ABCA5: variants seen among roughly 807,000 people sequenced by gnomAD.
ABCA5 encodes cholesterol transporter ABCA5.
ABCA5 carries 163 observed loss-of-function variants against 206.0 expected under a neutral mutation model. The ratio of observed to expected loss-of-function variants is 0.79; its 90% CI spans 0.70 to 0.90. The LOEUF (loss-of-function observed/expected upper bound fraction) is 0.90, where lower values mean the gene tolerates loss of function less well. ABCA5 is among the 40% of genes least tolerant of loss of function. The pLI is 0.00. For missense variants in ABCA5, 1,859 were observed against 1,912.9 expected (o/e 0.97, Z 0.53); for synonymous variants, 609 against 613.8 (o/e 0.99, Z 0.11).
Position 69,261,689 on chromosome 17 carries a change from G to GA in ABCA5, c.3374dup (p.Thr1126HisfsTer3), listed in dbSNP as rs1567754292. ...TGGTATTTAAAATTTTCTTAAAGGT[G>GA]AAAGAAGCAATATAAGTGAACAGAA... On this transcript the variant is annotated frameshift_variant, in exon 25 of 39. Coordinates refer to ENST00000392676, the MANE Select transcript of ABCA5 (RefSeq NM_172232.4). LOFTEE classifies it high-confidence loss of function. 6.6e-7 allele frequency: 1 copy of GA among 1,520,980 alleles called. No individual in the cohort carries two copies. Among genetic ancestry groups the GA allele is most frequent in the South Asian group, 1.3e-5 (1 of 79,324 alleles). The allele number at this position is 1,520,980 out of a possible 1,614,324, so 94.2% of individuals were successfully genotyped here.
intron 20 of ABCA5, among the ~76,000 whole-genome samples, chr17:69,271,881 TCAAA>T (rs2075277397): frequency 6.6e-6 from 1 of 152,158 alleles, no homozygotes; most frequent in African/African-American, 2.4e-5. Flanking sequence ...CTTAAAATAT[TCAAA>T]CACATAATCA....
chr17:69,301,145 T>A lies in ABCA5; in HGVS notation c.1261A>T (p.Ile421Phe). 6.6e-7 allele frequency: 1 copy of A among 1,525,014 alleles called. No individual in the cohort carries two copies. The highest frequency in any genetic ancestry group is 8.7e-7 in the Non-Finnish European group (1 of 1,145,560). 94.5% of individuals were successfully genotyped at this position (1,525,014 alleles called of 1,614,324 possible). The change falls in exon 9 of 39, where the codon ATT becomes TTT. Residue 421 changes from isoleucine (I) to phenylalanine (F), a missense_variant. Transcript: ENST00000392676. ...VLLAVYLDQV[I>F]PGEFGLRRSS... ...TCAAAAACCATCTGCATACCTGGAATGACTTGATCAAGATAGACAGCCAAG... is the reference window on the plus strand; with the variant it reads ...TCAAAAACCATCTGCATACCTGGAAAGACTTGATCAAGATAGACAGCCAAG...
chr17:69,281,681 C>T (rs1299650048), intron 18 of ABCA5, among the ~76,000 whole-genome samples: 1 of 152,174 alleles, frequency 6.6e-6, no homozygotes, highest in African/African-American at 2.4e-5. Flanking sequence ...AGCAACTTTA[C>T]AGTTAGCAAT....
chr17:69,270,902 C>A, intron 21 of ABCA5, 152 bp from the exon 22 acceptor site: 1 of 826,744 alleles, frequency 1.2e-6, no homozygotes, highest in Non-Finnish European at 1.8e-6. Context: ...CAGATAAAGA[C>A]AATCTGGTTT....
At chr17:69,273,778 C>T (rs1363844453) in intron 20 of ABCA5, among the ~76,000 whole-genome samples, 181 bp downstream of exon 20, 1 of 151,974 alleles carries the variant, frequency 6.6e-6, no homozygotes, top group Non-Finnish European at 1.5e-5. Context: ...TATTTGTAAA[C>T]CAAAATTTAC....
Position 69,253,787 on chromosome 17 carries a change from A to G in ABCA5, c.4320+7T>C. ...TACAGGCATTATTTGGTGTTTAATG[A>G]AAGTACCTTTCGTTTGATTCCTGCA... On this transcript the variant is annotated splice_region_variant and intron_variant, in intron 33 of 38. Transcript: ENST00000392676. 6.2e-7 allele frequency: 1 copy of G among 1,610,980 alleles called. No individual in the cohort carries two copies. Among genetic ancestry groups the G allele is most frequent in the Non-Finnish European group, 8.5e-7 (1 of 1,177,772 alleles).
chr17:69,316,800 G>C (rs1318956917), intron 1 of ABCA5: 4 of 152,192 alleles, frequency 2.6e-5, no homozygotes, highest in African/African-American at 9.7e-5. Flanking sequence ...TACCTACAGA[G>C]AGTAACAATT....
At chr17:69,325,021 G>A (rs1031698452) in intron 1 of ABCA5, among the ~76,000 whole-genome samples, 2 of 151,812 alleles carry the variant, frequency 1.3e-5, no homozygotes, top group African/African-American at 4.8e-5. Context: ...GTAAGGTGGT[G>A]CAATAATAAA....
At position 69,290,097 on chromosome 17, in the gene ABCA5, A is replaced by G. The variant is rs142822726; in HGVS notation, c.1607-60T>C. 8.4e-5 allele frequency: 100 copies of G among 1,191,192 alleles called. No homozygotes were observed. The African/African-American group carries it at 1.1e-3, about 13-fold the overall frequency. The allele number at this position is 1,191,192 out of a possible 1,614,324, so 73.8% of individuals were successfully genotyped here. A position where few individuals can be genotyped will look rare whatever the true frequency, so the allele number is the denominator to read the frequency against. On this transcript the variant is annotated intron_variant, in intron 12 of 38. Coordinates refer to ENST00000392676, the MANE Select transcript of ABCA5 (RefSeq NM_172232.4). ...TTATTTTATAATGTGTATGTTTTCA[A>G]GTATCCTGATAACTTAGTTATTTGG...
intron 25 of ABCA5, 66 bp from the exon 26 acceptor site, chr17:69,261,325 A>G: frequency 7.1e-7 from 1 of 1,417,844 alleles, no homozygotes; most frequent in Non-Finnish European, 9.6e-7. Context: ...ATTGGTGTCT[A>G]CGCATTAAAC....
intron 28 of ABCA5, among the ~76,000 whole-genome samples, chr17:69,257,360 A>G (rs1434091277): frequency 1.3e-5 from 2 of 152,012 alleles, no homozygotes; most frequent in African/African-American, 2.4e-5. Context: ...TCTCAAAAAA[A>G]AAAAAAAAAA....
intron 16 of ABCA5, 66 bp downstream of exon 16, chr17:69,286,155 C>T: frequency 6.5e-7 from 1 of 1,547,086 alleles, no homozygotes; most frequent in Non-Finnish European, 8.8e-7. Context: ...TAACAGCAAG[C>T]CTCCAACATA....
At chr17:69,299,619 T>C (rs2075630195) in intron 9 of ABCA5, among the ~76,000 whole-genome samples, 1 of 151,988 alleles carries the variant, frequency 6.6e-6, no homozygotes, top group Admixed American at 6.5e-5. Context: ...AAATATTGTA[T>C]GTTCTCACTC....
Position 69,306,774 on chromosome 17 carries a change from T to C in ABCA5, c.739A>G (p.Lys247Glu), listed in dbSNP as rs2075721347. Residue 247 changes from lysine to glutamate, a missense_variant, in exon 6 of 39, where the codon AAA becomes GAA. Coordinates refer to ENST00000392676, the MANE Select transcript of ABCA5 (RefSeq NM_172232.4). ...ATTATCTTTAAAAATTCTTTTATTT[T>C]TTTTTCTTTTTCTGCTACGATATGA... The part of the protein sequence containing the change: ...AIHIVAEKEK[K>E]IKEFLKIMGL... 1 of 1,570,396 alleles carries C rather than the reference T, an allele frequency of 6.4e-7. No individual in the cohort carries two copies. The highest frequency in any genetic ancestry group is 1.2e-5 in the South Asian group (1 of 81,858).
intron 23 of ABCA5, among the ~76,000 whole-genome samples, chr17:69,265,684 G>A (rs1332351217): frequency 6.6e-6 from 1 of 151,936 alleles, no homozygotes; most frequent in Non-Finnish European, 1.5e-5. Flanking sequence ...GTTAAGAAGA[G>A]GAGAAATGAA....
rs1190856776 is a variant in ABCA5, at chr17:69,244,736, A to G, written c.*2801T>C. The G allele has an allele frequency of 6.6e-6, 1 of 151,568 alleles. No individual in the cohort carries two copies. The highest frequency in any genetic ancestry group is 2.4e-5 in the African/African-American group (1 of 41,414). The allele number at this position is 151,568 out of a possible 1,614,324, so 9.4% of individuals were successfully genotyped here. A position where few individuals can be genotyped will look rare whatever the true frequency, so the allele number is the denominator to read the frequency against. On this transcript the variant is annotated 3_prime_UTR_variant, in exon 39 of 39. Coordinates refer to ENST00000392676, the MANE Select transcript of ABCA5 (RefSeq NM_172232.4). The stretch of plus-strand genomic sequence containing the variant: ...TGGTATTTTAACAAACTCAGGGCAC[A>G]ATTAGAATGAAGTTTTGAGTAACTA...
chr17:69,307,824 C>T (rs999697130), intron 5 of ABCA5, among the ~76,000 whole-genome samples: 1 of 152,074 alleles, frequency 6.6e-6, no homozygotes, highest in Non-Finnish European at 1.5e-5. Flanking sequence ...TTCATACATA[C>T]TTTAAACGTA....
intron 7 of ABCA5, chr17:69,304,428 G>A: frequency 3.3e-6 from 1 of 298,894 alleles, no homozygotes. Context: ...ACAGATAGAG[G>A]AGTTGTATGT....
rs943624777 is a variant in ABCA5 at position 69,309,410 on chromosome 17, T to C, written c.321A>G (p.Glu107=). 3.2e-6 allele frequency: 5 copies of C among 1,573,554 alleles called. No individual in the cohort carries two copies. The highest frequency in any genetic ancestry group is 4.3e-6 in the Non-Finnish European group (5 of 1,163,536). ...TDHLPDVIIT[E]EYTNEKEMLT... ...ACATTTCTTTTTCATTTGTATATTC[T>C]TCAGTAATTATGACTGTAAGATATC... Residue 107 remains glutamate, a synonymous_variant, in exon 4 of 39, where the codon GAA becomes GAG. Transcript: ENST00000392676.
Sources: gnomAD v4.1 joint callset for allele counts (sites outside exome capture counted in the v4.1 genomes callset) on GRCh38, gnomAD v4.1.1 for gene constraint, MANE v1.5 for transcripts, NCBI Gene and HGNC (gene_info 2026-07-23, HGNC 2026-07-21) for gene names.